Variants in STX18 observed in about 807,000 individuals in gnomAD.
STX18 encodes syntaxin-18.
In STX18, 40 loss-of-function variants were observed where a neutral mutation model predicts 50.1. The observed-to-expected ratio is 0.80, with a 90% CI of 0.62 to 1.04. The LOEUF (loss-of-function observed/expected upper bound fraction) is 1.04. STX18 is among the 50% of genes least tolerant of loss of function. STX18 has a pLI of 0.00. For missense variants in STX18, 410 were observed against 415.8 expected, an observed-to-expected ratio of 0.99 and a Z score of 0.12; for synonymous variants, 158 against 151.8, an observed-to-expected ratio of 1.04 and a Z score of -0.30.
chr4:4,498,395 CT>C (rs1729285454), intron 1 of STX18, among the ~76,000 whole-genome samples: 1 of 152,158 alleles, frequency 6.6e-6, no homozygotes, highest in Non-Finnish European at 1.5e-5. Flanking sequence ...CCCTATTAGA[CT>C]TACTATATCT....
chr4:4,444,168 G>A (rs984894493), intron 5 of STX18, among the ~76,000 whole-genome samples: 2 of 152,216 alleles, frequency 1.3e-5, no homozygotes, highest in Non-Finnish European at 2.9e-5. Flanking sequence ...GGGTGGCTAA[G>A]TGAAGGTGTA....
intron 1 of STX18, among the ~76,000 whole-genome samples, chr4:4,496,704 C>T (rs1371603635): frequency 5.3e-5 from 8 of 152,304 alleles, no homozygotes; most frequent in Non-Finnish European, 8.8e-5. Flanking sequence ...GAAAGGTTGA[C>T]ATCTTCTCTC....
At chr4:4,499,438 G>A (rs1729334937) in intron 1 of STX18, 2 of 921,346 alleles carry the variant, frequency 2.2e-6, no homozygotes, top group Non-Finnish European at 2.6e-6. Context: ...AAACCATACT[G>A]TGCTCTGGAA....
chr4:4,472,415 G>A (rs1289158644), intron 1 of STX18, among the ~76,000 whole-genome samples: 1 of 152,238 alleles, frequency 6.6e-6, no homozygotes, highest in Non-Finnish European at 1.5e-5. Context: ...TTTCCAGAGG[G>A]AGAATGATTA....
chr4:4,491,271 T>C (rs997709409), intron 1 of STX18, among the ~76,000 whole-genome samples: 4 of 152,152 alleles, frequency 2.6e-5, no homozygotes, highest in Non-Finnish European at 2.9e-5. Flanking sequence ...CAAAATGCCA[T>C]TTCTTTCAAA....
intron 1 of STX18, among the ~76,000 whole-genome samples, chr4:4,473,928 AAAC>A (rs1728050215): frequency 6.6e-6 from 1 of 152,184 alleles, no homozygotes; most frequent in East Asian, 1.9e-4. Context: ...CTCAGTGTCT[AAAC>A]AACGGGAAAA....
chr4:4,477,431 C>T (rs1053529277), intron 1 of STX18, among the ~76,000 whole-genome samples: 2 of 151,798 alleles, frequency 1.3e-5, no homozygotes, highest in African/African-American at 4.9e-5. Context: ...TTCCATGTAA[C>T]AGGATCAATG....
chr4:4,522,549 A>C (rs867503610), intron 1 of STX18, among the ~76,000 whole-genome samples: 1 of 152,238 alleles, frequency 6.6e-6, no homozygotes. Flanking sequence ...TGAGAAAACT[A>C]GCCTGATTAA....
intron 1 of STX18, among the ~76,000 whole-genome samples, chr4:4,492,185 T>C (rs1047046687): frequency 1.3e-5 from 2 of 152,220 alleles, no homozygotes; most frequent in African/African-American, 2.4e-5. Context: ...CTAGTAACCA[T>C]AGAAATTAAT....
intron 1 of STX18, among the ~76,000 whole-genome samples, chr4:4,523,110 G>A (rs1220528469): frequency 6.6e-6 from 1 of 152,214 alleles, no homozygotes; most frequent in Non-Finnish European, 1.5e-5. Context: ...CCACAGATCA[G>A]TTGCAGGAGG....
At position 4,420,868 on chromosome 4, in the gene STX18, CTT is replaced by C. The variant is rs1473173939; in HGVS notation, c.906_907del (p.Ile302MetfsTer5). The C allele has an allele frequency of 3.1e-6, 5 of 1,614,158 alleles. No individual in the cohort carries two copies. The highest frequency in any genetic ancestry group is 1.7e-5 in the Admixed American group (1 of 60,032). On this transcript the variant is annotated frameshift_variant, in exon 10 of 11. Coordinates refer to ENST00000306200, the MANE Select transcript of STX18 (RefSeq NM_016930.4). LOFTEE classifies it high-confidence loss of function. This position sits in a 1 kb window ranked among gnomAD's most constrained non-coding sequence, Gnocchi z 4.3. ...GGGAACCTAAACAGTGCCTACCTCT[CTT>C]ATGTCTTCGTTGCCTTCCTTGATAT...
intron 1 of STX18, among the ~76,000 whole-genome samples, chr4:4,537,275 G>A (rs1247122606): frequency 6.6e-6 from 1 of 152,190 alleles, no homozygotes; most frequent in Admixed American, 6.5e-5. Context: ...CAGCCAGGCA[G>A]GCAAGGTGAA....
At chr4:4,510,597 A>AT (rs1311966539) in intron 1 of STX18, among the ~76,000 whole-genome samples, 1 of 152,194 alleles carries the variant, frequency 6.6e-6, no homozygotes, top group African/African-American at 2.4e-5. Context: ...CAGTGTGGAG[A>AT]TTCCTCAAGG....
Position 4,503,020 on chromosome 4 carries a change from C to T in STX18, c.169-31314G>A, listed in dbSNP as rs111821040. On this transcript the variant is annotated intron_variant, in intron 1 of 10. Transcript: ENST00000306200. ...TGACTCTAATGACTGGACAACAGAGCCTCTCACAAGTCAAGGGCTCCCAAT... is the reference window on the plus strand; with the variant it reads ...TGACTCTAATGACTGGACAACAGAGTCTCTCACAAGTCAAGGGCTCCCAAT... Among the ~76,000 whole-genome samples the T allele has an allele frequency of 9.1e-4, 139 of 152,222 alleles. 1 individual carries two copies. The highest frequency in any genetic ancestry group is 3.1e-3 in the African/African-American group (129 of 41,524).
At chr4:4,482,187 T>C (rs1490920364) in intron 1 of STX18, among the ~76,000 whole-genome samples, 1 of 152,234 alleles carries the variant, frequency 6.6e-6, no homozygotes, top group Non-Finnish European at 1.5e-5. Flanking sequence ...TCTTGTAAGT[T>C]CAGCCCTTGG....
At chr4:4,531,499 T>C (rs1044086517) in intron 1 of STX18, among the ~76,000 whole-genome samples, 7 of 152,226 alleles carry the variant, frequency 4.6e-5, no homozygotes, top group African/African-American at 1.7e-4. Context: ...TCGCCATTGA[T>C]GTTTGCCCAC....
intron 5 of STX18, among the ~76,000 whole-genome samples, chr4:4,454,170 C>T (rs1203087650): frequency 6.6e-6 from 1 of 152,100 alleles, no homozygotes; most frequent in Non-Finnish European, 1.5e-5. Context: ...ATCACATGTA[C>T]GTTTTAGGCA....
intron 7 of STX18, 23 bp downstream of exon 7, chr4:4,434,747 A>T: frequency 6.3e-7 from 1 of 1,580,756 alleles, no homozygotes; most frequent in Non-Finnish European, 8.6e-7. Context: ...AAAAATAAAT[A>T]ATTAGGCAGA....
chr4:4,427,223 G>A (rs1036962539), intron 7 of STX18, among the ~76,000 whole-genome samples: 3 of 152,160 alleles, frequency 2.0e-5, no homozygotes, highest in Non-Finnish European at 4.4e-5. Context: ...CAGACCCACC[G>A]GGCCAGAAAA....
Sources: gnomAD v4.1 joint callset for allele counts (sites outside exome capture counted in the v4.1 genomes callset) on GRCh38, gnomAD v4.1.1 for gene constraint, Gnocchi (gnomAD v3.1) non-coding constraint, MANE v1.5 for transcripts, NCBI Gene and HGNC (gene_info 2026-07-23, HGNC 2026-07-21) for gene names.